The following PTPRE variants were observed in gnomAD, a reference collection of about 807,000 sequenced individuals.
PTPRE encodes receptor-type tyrosine-protein phosphatase epsilon.
A neutral mutation model predicts 102.0 loss-of-function variants in PTPRE; 51 were observed. That is an observed-to-expected ratio of 0.50 (90% confidence interval 0.40 to 0.63). The LOEUF (loss-of-function observed/expected upper bound fraction) is 0.63, where lower values mean the gene tolerates loss of function less well. Ranked by LOEUF, PTPRE falls within the 30% of genes least tolerant of loss-of-function variation. PTPRE has a pLI of 0.00. For synonymous variants in PTPRE, 345 were observed against 348.2 expected, an observed-to-expected ratio of 0.99 and a Z score of 0.10; for missense variants, 752 against 915.1, an observed-to-expected ratio of 0.82 and a Z score of 2.30.
At chr10:128,076,480 G>GT (rs3833746) in intron 17 of PTPRE, 123 bp from the exon 18 acceptor site, 363,858 of 790,184 alleles carry the variant, frequency 0.46, 49,108 homozygotes, top group Admixed American at 0.55. Flanking sequence ...ATATTCATAT[G>GT]TTTTTTTTTT....
chr10:127,999,560 A>T (rs1853656828), intron 2 of PTPRE: 2 of 985,356 alleles, frequency 2.0e-6, no homozygotes, highest in African/African-American at 3.5e-5. Flanking sequence ...GGGACTGCTG[A>T]CTGCACCATC....
At chr10:127,964,195 A>AGT (rs1850060777) in intron 1 of PTPRE, among the ~76,000 whole-genome samples, 1 of 152,186 alleles carries the variant, frequency 6.6e-6, no homozygotes, top group South Asian at 2.1e-4. Flanking sequence ...TTTGAGACAG[A>AGT]GTCTTGCTCT....
chr10:128,055,797 G>T (rs547207809), intron 6 of PTPRE, among the ~76,000 whole-genome samples: 1 of 152,320 alleles, frequency 6.6e-6, no homozygotes, highest in East Asian at 1.9e-4. Context: ...CCTGCTCTAG[G>T]CCAGGGTCCA....
intron 3 of PTPRE, among the ~76,000 whole-genome samples, chr10:128,041,895 C>G (rs998693179): frequency 6.6e-6 from 1 of 152,056 alleles, no homozygotes; most frequent in Non-Finnish European, 1.5e-5. Flanking sequence ...AAATGTCCTG[C>G]AAACCCTGGA....
intron 1 of PTPRE, among the ~76,000 whole-genome samples, chr10:127,917,595 C>CCAGGAGGTCGAGGCTGCCATGAT (rs1351039112): frequency 8.5e-5 from 13 of 152,116 alleles, no homozygotes; most frequent in Non-Finnish European, 1.9e-4. Context: ...TCACTTGAGC[C>CCAGGAGGTCGAGGCTGCCATGAT]CAGGAGGTCG....
intron 10 of PTPRE, among the ~76,000 whole-genome samples, chr10:128,065,425 A>G (rs1360935022): frequency 1.3e-5 from 2 of 152,220 alleles, no homozygotes; most frequent in Non-Finnish European, 2.9e-5. Context: ...CGGTGCTGCA[A>G]AATGAAAGGG....
At chr10:128,061,146 C>A (rs1195001472) in intron 8 of PTPRE, 131 bp downstream of exon 8, 2 of 761,664 alleles carry the variant, frequency 2.6e-6, no homozygotes, top group African/African-American at 1.8e-5. Flanking sequence ...ACAAAGGGTA[C>A]GGAACTGCCC....
rs774170104 is a variant in PTPRE at position 128,047,455 on chromosome 10, C to G, written c.175C>G (p.Leu59Val). The G allele has an allele frequency of 6.2e-7, 1 of 1,613,432 alleles. No individual in the cohort carries two copies. Among genetic ancestry groups the G allele is most frequent in the South Asian group, 1.1e-5 (1 of 91,066 alleles). The change falls in exon 4 of 21, where the codon CTC becomes GTC. Residue 59 changes from leucine (L) to valine (V), a missense_variant. Physicochemically the swap from Leu to Val is conservative, Grantham distance 32 (BLOSUM62 1). Transcript: ENST00000254667. ...GCTGCTACTGCCGCTGCTGCTCCTC[C>G]TCCTCGTGCTCCTTCTCGCCGCCTA... is the stretch of plus-strand genomic sequence containing the variant. ...AWLLLPLLLL[L>V]LVLLLAAYFF...
intron 1 of PTPRE, among the ~76,000 whole-genome samples, chr10:127,978,957 G>T (rs1055469699): frequency 6.6e-6 from 1 of 152,170 alleles, no homozygotes; most frequent in Non-Finnish European, 1.5e-5. Flanking sequence ...GGAGGCAGGG[G>T]CTGCAGTGAG....
chr10:128,070,252 A>G lies in PTPRE; in HGVS notation c.1144-49A>G. ...GGTCTGCCAAGCTCCACGTGGGCCA[A>G]GACTGCAGGGCAGAGTTGAGGGTGT... On this transcript the variant is annotated intron_variant, in intron 13 of 20. Coordinates refer to ENST00000254667, the MANE Select transcript of PTPRE (RefSeq NM_006504.6). This position sits in a 1 kb window ranked among gnomAD's most constrained non-coding sequence, Gnocchi z 4.8. 6.5e-7 allele frequency: 1 copy of G among 1,548,428 alleles called. No individual in the cohort carries two copies. Among genetic ancestry groups the G allele is most frequent in the Non-Finnish European group, 8.7e-7 (1 of 1,145,964 alleles).
In PTPRE at chr10:128,070,935, G is replaced by A. The variant is rs748371432; in HGVS notation, c.1387+34G>A. 8.2e-6 allele frequency: 13 copies of A among 1,584,536 alleles called. No homozygotes were observed. The highest frequency in any genetic ancestry group is 1.1e-5 in the South Asian group (1 of 90,334). On this transcript the variant is annotated intron_variant, in intron 15 of 20. Coordinates refer to ENST00000254667, the MANE Select transcript of PTPRE (RefSeq NM_006504.6). This position sits in a 1 kb window ranked among gnomAD's most constrained non-coding sequence, Gnocchi z 4.8. ...CCCGTGGCGTGGCTTGGGCAGGGCT[G>A]GGGCGGGGCTGGTGCCGGAGGCTTT...
chr10:128,043,473 C>T (rs1187573474), intron 3 of PTPRE, among the ~76,000 whole-genome samples: 1 of 152,260 alleles, frequency 6.6e-6, no homozygotes, highest in Non-Finnish European at 1.5e-5. Flanking sequence ...GCTCACCTGC[C>T]ACTCACCTCC....
At position 127,959,657 on chromosome 10, in the gene PTPRE, G is replaced by A. The variant is rs539218887; in HGVS notation, c.-30-22617G>A. Reference sequence around the variant, plus strand: ...TCCAAAGCCACACACTTTTCAACGAGCTTTAAGCACTTTCTCCATAGTGTT... The same window carrying A: ...TCCAAAGCCACACACTTTTCAACGAACTTTAAGCACTTTCTCCATAGTGTT... On this transcript the variant is annotated intron_variant, in intron 1 of 20. Transcript: ENST00000254667. Among the ~76,000 whole-genome samples, 42 of 152,336 alleles carry A rather than the reference G, an allele frequency of 2.8e-4. No individual in the cohort carries two copies. In the South Asian group the frequency reaches 8.3e-3, roughly 30 times the overall value.
At position 128,074,465 on chromosome 10, in the gene PTPRE, C is replaced by T. The variant is rs1397575406; in HGVS notation, c.1599+994C>T. Among the ~76,000 whole-genome samples the T allele has an allele frequency of 3.3e-5, 5 of 152,238 alleles. No homozygotes were observed. The East Asian group carries it at 5.8e-4, about 18-fold the overall frequency. On this transcript the variant is annotated intron_variant, in intron 17 of 20. Coordinates refer to ENST00000254667, the MANE Select transcript of PTPRE (RefSeq NM_006504.6). ...CAGATCACCTGAGGTCAGGAGTTCG[C>T]GGCCAGCCTGGCCAACATGGCAAAA...
intron 1 of PTPRE, among the ~76,000 whole-genome samples, chr10:127,958,589 A>G (rs1298671199): frequency 6.6e-6 from 1 of 152,130 alleles, no homozygotes; most frequent in Non-Finnish European, 1.5e-5. Context: ...TTTGGATTTG[A>G]TTTGCTAATA....
intron 1 of PTPRE, among the ~76,000 whole-genome samples, chr10:127,945,911 T>G (rs1316093223): frequency 6.6e-6 from 1 of 152,080 alleles, no homozygotes. Flanking sequence ...AAGAAAAGGT[T>G]GTAAATCACC....
intron 11 of PTPRE, among the ~76,000 whole-genome samples, chr10:128,067,528 A>G (rs1260942769): frequency 3.9e-5 from 6 of 152,150 alleles, no homozygotes; most frequent in African/African-American, 1.4e-4. Flanking sequence ...ACACATGCAC[A>G]CATACACATG....
chr10:127,926,786 C>G, intron 1 of PTPRE, among the ~76,000 whole-genome samples: 1 of 146,422 alleles, frequency 6.8e-6, no homozygotes, highest in East Asian at 2.0e-4. Context: ...TGAGAGAGAC[C>G]AAGGGAAAGA....
At chr10:127,961,698 C>T (rs866788772) in intron 1 of PTPRE, among the ~76,000 whole-genome samples, 1 of 152,176 alleles carries the variant, frequency 6.6e-6, no homozygotes, top group Non-Finnish European at 1.5e-5. Flanking sequence ...CTCTCCCCAG[C>T]GTCTTGTCTG....
Sources: allele counts gnomAD v4.1 joint callset (sites outside exome capture counted in the v4.1 genomes callset), GRCh38; gene constraint gnomAD v4.1.1; non-coding constraint Gnocchi (gnomAD v3.1); transcripts MANE v1.5; gene names NCBI Gene and HGNC (gene_info 2026-07-23, HGNC 2026-07-21).